SH2D4B: variants seen among roughly 807,000 people sequenced by gnomAD.
SH2D4B encodes the protein SH2 domain containing 4B.
SH2D4B carries 45 observed loss-of-function variants against 61.5 expected under a neutral mutation model. That is an observed-to-expected ratio of 0.73 (90% CI 0.58 to 0.94). The LOEUF (loss-of-function observed/expected upper bound fraction) is 0.94. SH2D4B is among the 40% of genes least tolerant of loss of function. The probability of loss-of-function intolerance (pLI) is 0.00; values close to 1 mark genes in which losing one functional copy is unlikely to be tolerated. For missense variants in SH2D4B, 572 were observed against 574.2 expected (o/e 1.00, Z 0.04); for synonymous variants, 224 against 220.4 (o/e 1.02, Z -0.14).
chr10:80,596,986 T>C (rs1484760533), intron 4 of SH2D4B, among the ~76,000 whole-genome samples: 1 of 150,156 alleles, frequency 6.7e-6, no homozygotes, highest in East Asian at 2.0e-4. Context: ...CAATAAAAAA[T>C]AACATAACAA....
At chr10:80,543,699 A>G (rs1224953298) in intron 1 of SH2D4B, among the ~76,000 whole-genome samples, 1 of 152,186 alleles carries the variant, frequency 6.6e-6, no homozygotes, top group Non-Finnish European at 1.5e-5. Context: ...GGTCATGGAG[A>G]ACCTTTATGT....
intron 6 of SH2D4B, among the ~76,000 whole-genome samples, chr10:80,614,320 T>C (rs1564784408): frequency 6.6e-6 from 1 of 152,212 alleles, no homozygotes; most frequent in Non-Finnish European, 1.5e-5. Flanking sequence ...GCATGTCATG[T>C]GGCGAGAGTG....
chr10:80,565,156 C>T (rs919382691), intron 1 of SH2D4B, among the ~76,000 whole-genome samples: 6 of 152,312 alleles, frequency 3.9e-5, no homozygotes, highest in African/African-American at 9.6e-5. Context: ...TCCTAAGTTA[C>T]GGTTTCAGTC....
intron 1 of SH2D4B, among the ~76,000 whole-genome samples, chr10:80,563,553 A>G (rs1335709965): frequency 6.6e-6 from 1 of 152,160 alleles, no homozygotes; most frequent in African/African-American, 2.4e-5. Flanking sequence ...CTGTTTTTCA[A>G]TTACATATTT....
intron 1 of SH2D4B, among the ~76,000 whole-genome samples, chr10:80,544,922 T>A (rs1016761589): frequency 6.6e-6 from 1 of 152,064 alleles, no homozygotes; most frequent in Admixed American, 6.6e-5. Flanking sequence ...TTTCCCCAGA[T>A]CCTCATGAGG....
intron 6 of SH2D4B, among the ~76,000 whole-genome samples, chr10:80,613,946 T>C (rs889707730): frequency 2.6e-5 from 4 of 152,032 alleles, no homozygotes; most frequent in Non-Finnish European, 5.9e-5. Context: ...CATTGCTGTG[T>C]TTGAGGGAAG....
At chr10:80,626,222 T>C (rs1367265387) in intron 6 of SH2D4B, among the ~76,000 whole-genome samples, 3 of 152,226 alleles carry the variant, frequency 2.0e-5, no homozygotes, top group African/African-American at 7.2e-5. Flanking sequence ...CAAATTATTT[T>C]CTGAAGATTT....
At chr10:80,594,957 A>G (rs886180949) in intron 4 of SH2D4B, among the ~76,000 whole-genome samples, 1 of 152,192 alleles carries the variant, frequency 6.6e-6, no homozygotes, top group Non-Finnish European at 1.5e-5. Flanking sequence ...TTTGTGTTGA[A>G]TCTTTTTTTA....
intron 1 of SH2D4B, among the ~76,000 whole-genome samples, chr10:80,560,958 T>G (rs1841895411): frequency 6.6e-6 from 1 of 152,168 alleles, no homozygotes; most frequent in Non-Finnish European, 1.5e-5. Context: ...TCACACACTC[T>G]CGATAAAATC....
chr10:80,562,034 C>T (rs892829809), intron 1 of SH2D4B, among the ~76,000 whole-genome samples: 3 of 144,122 alleles, frequency 2.1e-5, no homozygotes, highest in Admixed American at 1.4e-4. Context: ...CAATTACACA[C>T]ACACACACAC....
At chr10:80,578,933 G>A (rs1334693802) in intron 3 of SH2D4B, among the ~76,000 whole-genome samples, 3 of 152,186 alleles carry the variant, frequency 2.0e-5, no homozygotes, top group Non-Finnish European at 4.4e-5. Flanking sequence ...GTTGGGATGA[G>A]GGAAAGCAAA....
In SH2D4B at chr10:80,560,693, C is replaced by CTTT. The variant is rs58963330; in HGVS notation, c.185-9435_185-9433dup. Among the ~76,000 whole-genome samples, 28 of 58,866 alleles carry CTTT rather than the reference C, an allele frequency of 4.8e-4. 1 individual carries two copies. Among genetic ancestry groups the CTTT allele is most frequent in the African/African-American group, 1.8e-3 (24 of 13,444 alleles). The allele number at this position is 58,866 out of a possible 152,430, so 38.6% of individuals were successfully genotyped here. A position where few individuals can be genotyped will look rare whatever the true frequency, so the allele number is the denominator to read the frequency against. Reference sequence around the variant, plus strand: ...GCCTGAACCACCGTTCCTGGCCAAGCTTTTTTTTTTTTTTTTTTTTTTTTT... The same window carrying CTTT: ...GCCTGAACCACCGTTCCTGGCCAAGCTTTTTTTTTTTTTTTTTTTTTTTTTTTT... On this transcript the variant is annotated intron_variant, in intron 1 of 7. Coordinates refer to ENST00000646907, the MANE Select transcript of SH2D4B (RefSeq NM_001388272.1).
At chr10:80,622,410 T>A (rs761515116) in intron 6 of SH2D4B, among the ~76,000 whole-genome samples, 1 of 152,224 alleles carries the variant, frequency 6.6e-6, no homozygotes, top group Non-Finnish European at 1.5e-5. Flanking sequence ...TTTTCCTGAA[T>A]TTTTGCAGTT....
intron 5 of SH2D4B, among the ~76,000 whole-genome samples, chr10:80,605,601 C>G (rs1054381962): frequency 6.6e-6 from 1 of 152,180 alleles, no homozygotes; most frequent in African/African-American, 2.4e-5. Context: ...TCACTGCAAC[C>G]TCCGCCTCCC....
At chr10:80,601,102 G>A (rs1842448345) in intron 4 of SH2D4B, among the ~76,000 whole-genome samples, 1 of 152,164 alleles carries the variant, frequency 6.6e-6, no homozygotes, top group South Asian at 2.1e-4. Flanking sequence ...CTTCCTTGAG[G>A]AACACAAAAA....
intron 1 of SH2D4B, among the ~76,000 whole-genome samples, chr10:80,556,600 T>A (rs1841841474): frequency 6.6e-6 from 1 of 152,224 alleles, no homozygotes; most frequent in African/African-American, 2.4e-5. Flanking sequence ...CTTTCAGCAA[T>A]GTTTTGTAGA....
chr10:80,633,855 A>G (rs1842861853), intron 6 of SH2D4B, among the ~76,000 whole-genome samples: 2 of 152,234 alleles, frequency 1.3e-5, no homozygotes, highest in African/African-American at 4.8e-5. Flanking sequence ...TACTAGAGAA[A>G]TAAGTGAGTT....
intron 1 of SH2D4B, among the ~76,000 whole-genome samples, chr10:80,559,284 T>C (rs1412062443): frequency 6.6e-6 from 1 of 152,214 alleles, no homozygotes; most frequent in African/African-American, 2.4e-5. Context: ...ATATCTTTTT[T>C]ACAATGCTTT....
chr10:80,643,559 G>C (rs1564533618), intron 7 of SH2D4B, among the ~76,000 whole-genome samples: 2 of 152,120 alleles, frequency 1.3e-5, no homozygotes, highest in African/African-American at 4.8e-5. Flanking sequence ...ACCGTGAGTG[G>C]CTCATCTTTT....
Sources: gnomAD v4.1 joint callset for allele counts (sites outside exome capture counted in the v4.1 genomes callset) on GRCh38, gnomAD v4.1.1 for gene constraint, MANE v1.5 for transcripts, NCBI Gene and HGNC (gene_info 2026-07-23, HGNC 2026-07-21) for gene names.